ARSJ: variants seen among roughly 807,000 people sequenced by gnomAD.
ARSJ encodes the protein arylsulfatase J.
A neutral mutation model predicts 35.9 loss-of-function variants in ARSJ; 26 were observed. That is an observed-to-expected ratio of 0.72 (90% confidence interval 0.53 to 1.00). The LOEUF is 1.00. Among genes scored for constraint, ARSJ ranks in the 50% least tolerant of loss-of-function variants. The pLI is 0.00. For missense variants in ARSJ, 667 were observed against 723.6 expected (o/e 0.92, Z 0.90); for synonymous variants, 294 against 267.6 (o/e 1.10, Z -0.96).
chr4:113,914,219 G>A (rs557165134), intron 1 of ARSJ, among the ~76,000 whole-genome samples: 6 of 152,046 alleles, frequency 3.9e-5, no homozygotes, highest in Non-Finnish European at 7.4e-5. Context: ...TAATCCACCC[G>A]CTTCAGCCTC....
chr4:113,906,340 T>A (rs886961557), intron 1 of ARSJ, among the ~76,000 whole-genome samples: 1 of 152,254 alleles, frequency 6.6e-6, no homozygotes, highest in African/African-American at 2.4e-5. Flanking sequence ...ATGAAAAACA[T>A]AAAATACAGG....
intron 1 of ARSJ, chr4:113,970,565 T>A (rs530506164): frequency 6.6e-6 from 1 of 152,360 alleles, no homozygotes; most frequent in Admixed American, 6.5e-5. Flanking sequence ...TCTTTTCCTA[T>A]TCTTTGGTAG....
Position 113,902,155 on chromosome 4 carries a change from T to C in ARSJ, c.*119A>G, listed in dbSNP as rs528499896. On this transcript the variant is annotated 3_prime_UTR_variant, in exon 2 of 2. Transcript: ENST00000315366. ...CAGAAGTCTCTGGAGTGGCACAGCA[T>C]GAAAACAAGCCTGACGCTTAGGCCA... is the stretch of plus-strand genomic sequence containing the variant. 17 of 1,598,256 alleles carry C rather than the reference T, an allele frequency of 1.1e-5. No homozygotes were observed. The African/African-American group carries it at 1.7e-4, about 16-fold the overall frequency.
At chr4:113,931,151 T>A (rs745750390) in intron 1 of ARSJ, among the ~76,000 whole-genome samples, 7 of 151,374 alleles carry the variant, frequency 4.6e-5, no homozygotes, top group Non-Finnish European at 1.0e-4. Flanking sequence ...AATGTGCACA[T>A]GTACCCTAAA....
At chr4:113,952,610 G>C (rs1272536872) in intron 1 of ARSJ, among the ~76,000 whole-genome samples, 14 of 152,156 alleles carry the variant, frequency 9.2e-5, no homozygotes, top group African/African-American at 3.4e-4. Flanking sequence ...GCTTGGGTGA[G>C]GTAATGCTGA....
intron 1 of ARSJ, among the ~76,000 whole-genome samples, chr4:113,915,260 C>T (rs1235659788): frequency 6.6e-6 from 1 of 152,098 alleles, no homozygotes; most frequent in Non-Finnish European, 1.5e-5. Flanking sequence ...GGCTCTGTCT[C>T]TAATACAGAT....
At chr4:113,923,384 T>C (rs1015647531) in intron 1 of ARSJ, among the ~76,000 whole-genome samples, 7 of 152,128 alleles carry the variant, frequency 4.6e-5, no homozygotes, top group African/African-American at 1.4e-4. Flanking sequence ...GGAAAATAGC[T>C]CTTAGATTTC....
chr4:113,924,076 AATATATATAT>A (rs1164333093), intron 1 of ARSJ, among the ~76,000 whole-genome samples: 9 of 95,734 alleles, frequency 9.4e-5, no homozygotes, highest in African/African-American at 4.3e-4. Flanking sequence ...AATATATATA[AATATATATAT>A]ATATATATAT....
intron 1 of ARSJ, among the ~76,000 whole-genome samples, chr4:113,955,171 C>T (rs566207348): frequency 1.3e-5 from 2 of 151,918 alleles, no homozygotes; most frequent in Non-Finnish European, 2.9e-5. Context: ...ACCAGAGACA[C>T]TGTCAGGAGT....
intron 1 of ARSJ, among the ~76,000 whole-genome samples, chr4:113,912,342 T>C (rs1183007744): frequency 6.6e-6 from 1 of 152,182 alleles, no homozygotes; most frequent in South Asian, 2.1e-4. Flanking sequence ...AAGTGAGAAT[T>C]GCACAGCATC....
At chr4:113,924,056 AATATATATAAATATATATAAATATATAT>A (rs1264419022) in intron 1 of ARSJ, among the ~76,000 whole-genome samples, 77 of 91,528 alleles carry the variant, frequency 8.4e-4, no homozygotes, top group African/African-American at 3.0e-3. Context: ...AATATATATA[AATATATATAAATATATATAAATATATAT>A]ATATATATAT....
rs753228068 is a variant in ARSJ, at chr4:113,978,823, C to T, written c.12G>A (p.Arg4=). The T allele has an allele frequency of 1.2e-6, 2 of 1,601,294 alleles. No individual in the cohort carries two copies. Among genetic ancestry groups the T allele is most frequent in the Admixed American group, 3.5e-5 (2 of 57,630 alleles). The change falls in exon 1 of 2, where the codon AGG becomes AGA. Residue 4 remains arginine (R), a synonymous_variant. Coordinates refer to ENST00000315366, the MANE Select transcript of ARSJ (RefSeq NM_024590.4). MAP[R]GCAGHPPPPS... Reference sequence around the variant, plus strand: ...GCGGAGGCGGATGCCCCGCACAGCCCCTGGGAGCCATTCACTCAGGTCCCA... The same window carrying T: ...GCGGAGGCGGATGCCCCGCACAGCCTCTGGGAGCCATTCACTCAGGTCCCA...
intron 1 of ARSJ, among the ~76,000 whole-genome samples, chr4:113,949,444 C>T (rs1243436908): frequency 1.3e-5 from 2 of 151,976 alleles, no homozygotes; most frequent in Admixed American, 6.6e-5. Flanking sequence ...TATCTCTTTC[C>T]TTTATGCTTG....
At chr4:113,964,400 CATT>C (rs1387654989) in intron 1 of ARSJ, among the ~76,000 whole-genome samples, 1 of 152,082 alleles carries the variant, frequency 6.6e-6, no homozygotes. Context: ...CTCAGAAACT[CATT>C]ATTCAGTTAT....
chr4:113,913,394 T>C (rs1029541843), intron 1 of ARSJ, among the ~76,000 whole-genome samples: 2 of 77,282 alleles, frequency 2.6e-5, no homozygotes, highest in Admixed American at 2.8e-4. Context: ...GTTTCTTTCC[T>C]ACTAGATAGT....
chr4:113,931,661 G>A (rs187136240), intron 1 of ARSJ, among the ~76,000 whole-genome samples: 11 of 152,162 alleles, frequency 7.2e-5, no homozygotes, highest in East Asian at 5.8e-4. Context: ...CAAGCCTTAC[G>A]TGCAGGCAGG....
rs1272317244 is a variant in ARSJ, at chr4:113,901,995, A to T, written c.*279T>A. On this transcript the variant is annotated 3_prime_UTR_variant, in exon 2 of 2. Coordinates refer to ENST00000315366, the MANE Select transcript of ARSJ (RefSeq NM_024590.4). ...GTGTTTGGTCAGTTGACTGAAGCAC[A>T]GCAGTGGAACTCAGGACTCACCACG... The T allele has an allele frequency of 3.4e-5, 25 of 739,322 alleles. No individual in the cohort carries two copies. The highest frequency in any genetic ancestry group is 4.9e-5 in the Non-Finnish European group (24 of 487,326). 45.8% of individuals were successfully genotyped at this position (739,322 alleles called of 1,614,324 possible).
Position 113,924,084 on chromosome 4 carries a change from T to TAAAA in ARSJ, c.399-20410_399-20409insTTTT, listed in dbSNP as rs1364126960. ...ATATATAAATATATATAAATATATA[T>TAAAA]ATATATATATATATATATATATATA... On this transcript the variant is annotated intron_variant, in intron 1 of 1. Coordinates refer to ENST00000315366, the MANE Select transcript of ARSJ (RefSeq NM_024590.4). Among the ~76,000 whole-genome samples, 22 of 124,758 alleles carry TAAAA rather than the reference T, an allele frequency of 1.8e-4. 1 individual carries two copies. The highest frequency in any genetic ancestry group is 7.0e-4 in the African/African-American group (20 of 28,548). The allele number at this position is 124,758 out of a possible 152,430, so 81.8% of individuals were successfully genotyped here.
chr4:113,964,745 C>T (rs1315483843), intron 1 of ARSJ, among the ~76,000 whole-genome samples: 2 of 152,046 alleles, frequency 1.3e-5, no homozygotes, highest in Admixed American at 1.3e-4. Context: ...GGTTCCCAGA[C>T]CAGCAACTTC....
Sources: gnomAD v4.1 joint callset for allele counts (sites outside exome capture counted in the v4.1 genomes callset) on GRCh38, gnomAD v4.1.1 for gene constraint, MANE v1.5 for transcripts, NCBI Gene and HGNC (gene_info 2026-07-23, HGNC 2026-07-21) for gene names.